Variants in NEMP2 observed in about 807,000 individuals in gnomAD.
NEMP2 encodes nuclear envelope integral membrane protein 2.
Under a neutral mutation model 54.2 loss-of-function variants are expected in NEMP2, and 53 were observed. That is an observed-to-expected ratio of 0.98 (90% CI 0.78 to 1.23). NEMP2 has a LOEUF of 1.23. NEMP2 is among the 50% of genes most tolerant of loss of function. The pLI is 0.00. For missense variants in NEMP2, 455 were observed against 511.3 expected (o/e 0.89, Z 1.06); for synonymous variants, 197 against 190.3 (o/e 1.04, Z -0.29).
At chr2:190,562,763 C>T in the NEMP2 span, among the ~76,000 whole-genome samples, 1 of 152,006 alleles carries the variant, frequency 6.6e-6, no homozygotes, top group Non-Finnish European at 1.5e-5. This position sits in a 1 kb window ranked among gnomAD's most constrained non-coding sequence, Gnocchi z 5.0. Context: ...ACTATAAATG[C>T]CATCGACTAA....
chr2:190,446,030 G>T, the NEMP2 span, among the ~76,000 whole-genome samples: 6 of 152,044 alleles, frequency 3.9e-5, no homozygotes, highest in Non-Finnish European at 7.4e-5. Flanking sequence ...CAATCAAAGG[G>T]CATGAATTTT....
the NEMP2 span, among the ~76,000 whole-genome samples, chr2:190,451,111 C>T: frequency 6.6e-6 from 1 of 152,168 alleles, no homozygotes; most frequent in Non-Finnish European, 1.5e-5. This position sits in a 1 kb window ranked among gnomAD's most constrained non-coding sequence, Gnocchi z 5.0. Context: ...ACCCTGTTTT[C>T]TTTTTTCCTT....
chr2:190,639,964 G>GA, the NEMP2 span, among the ~76,000 whole-genome samples: 1 of 151,550 alleles, frequency 6.6e-6, no homozygotes, highest in East Asian at 1.9e-4. Context: ...TTTGAAAATT[G>GA]AAAAAAAGCA....
In NEMP2 at chr2:190,519,932, G is replaced by A. The variant is rs1392935146; in HGVS notation, c.214-749C>T. On this transcript the variant is annotated intron_variant, in intron 2 of 8. Transcript: ENST00000409150. This position sits in a 1 kb window ranked among gnomAD's most constrained non-coding sequence, Gnocchi z 5.4. ...CAGCATGTGCTCACTTCATGTCTTT[G>A]TGTCAGCATGTTTTAGCAATAAAGT... 6.6e-6 allele frequency among the ~76,000 whole-genome samples: 1 copy of A among 152,144 alleles called. No individual in the cohort carries two copies. The highest frequency in any genetic ancestry group is 1.5e-5 in the Non-Finnish European group (1 of 68,038).
At chr2:190,617,292 T>C in the NEMP2 span, among the ~76,000 whole-genome samples, 1 of 152,130 alleles carries the variant, frequency 6.6e-6, no homozygotes. This position sits in a 1 kb window ranked among gnomAD's most constrained non-coding sequence, Gnocchi z 5.0. Context: ...TTTTGTGTCA[T>C]CTGAAGTCAA....
At chr2:190,594,032 C>T in the NEMP2 span, among the ~76,000 whole-genome samples, 2 of 152,220 alleles carry the variant, frequency 1.3e-5, no homozygotes, top group Non-Finnish European at 2.9e-5. This position sits in a 1 kb window ranked among gnomAD's most constrained non-coding sequence, Gnocchi z 5.6. Flanking sequence ...AAACTCATTG[C>T]CGTGGCCTGA....
At chr2:190,443,881 C>A in the NEMP2 span, among the ~76,000 whole-genome samples, 3 of 152,048 alleles carry the variant, frequency 2.0e-5, no homozygotes, top group Non-Finnish European at 2.9e-5. The surrounding 1 kb of genome is among the most constrained non-coding windows in gnomAD (Gnocchi z 4.2). Context: ...ATGGTGAGAC[C>A]TTGTCTCTAC....
At position 190,513,491 on chromosome 2, in the gene NEMP2, G is replaced by A. The variant is rs1690443392; in HGVS notation, c.953+962C>T. Among the ~76,000 whole-genome samples, 1 of 152,200 alleles carries A rather than the reference G, an allele frequency of 6.6e-6. No individual in the cohort carries two copies. The highest frequency in any genetic ancestry group is 2.4e-5 in the African/African-American group (1 of 41,448). On this transcript the variant is annotated intron_variant, in intron 7 of 8. Transcript: ENST00000409150. This position sits in a 1 kb window ranked among gnomAD's most constrained non-coding sequence, Gnocchi z 5.3. ...TGCCTGGGTCCTAAGCAACTGGTTT[G>A]ATAACTGCTGTAGAGGCAGCAGTCA... is the stretch of plus-strand genomic sequence containing the variant.
chr2:190,626,925 A>G, the NEMP2 span: 2 of 152,232 alleles, frequency 1.3e-5, no homozygotes, highest in African/African-American at 4.8e-5. The surrounding 1 kb of genome is among the most constrained non-coding windows in gnomAD (Gnocchi z 4.5). Context: ...CATATTGAAA[A>G]TTGGACCTCA....
chr2:190,541,324 T>G, the NEMP2 span, among the ~76,000 whole-genome samples: 1 of 152,068 alleles, frequency 6.6e-6, no homozygotes, highest in Non-Finnish European at 1.5e-5. The surrounding 1 kb of genome is among the most constrained non-coding windows in gnomAD (Gnocchi z 5.2). Context: ...GGGGCATTGT[T>G]AGGTTATTTG....
At chr2:190,577,822 G>A in the NEMP2 span, among the ~76,000 whole-genome samples, 3 of 152,270 alleles carry the variant, frequency 2.0e-5, no homozygotes, top group South Asian at 2.1e-4. The surrounding 1 kb of genome is among the most constrained non-coding windows in gnomAD (Gnocchi z 4.8). Flanking sequence ...GCAGTGACCC[G>A]AGATTGCACC....
In NEMP2 at chr2:190,519,482, A is replaced by G. The variant is rs140082796; in HGVS notation, c.214-299T>C. Among the ~76,000 whole-genome samples the G allele has an allele frequency of 1.3e-3, 192 of 152,324 alleles. No individual in the cohort carries two copies. Among genetic ancestry groups the G allele is most frequent in the African/African-American group, 4.4e-3 (183 of 41,572 alleles). ...GCTGTTTGCCTGCTTCAGCCTCCCAAAGTGCTGGGATTACCGGCATGAGCC... is the reference window on the plus strand; with the variant it reads ...GCTGTTTGCCTGCTTCAGCCTCCCAGAGTGCTGGGATTACCGGCATGAGCC... On this transcript the variant is annotated intron_variant, in intron 2 of 8. Transcript: ENST00000409150. The surrounding 1 kb of genome is among the most constrained non-coding windows in gnomAD (Gnocchi z 5.4).
At chr2:190,626,029 T>C in the NEMP2 span, 10,192 of 156,072 alleles carry the variant, frequency 0.065, 496 homozygotes, top group Non-Finnish European at 0.1. The surrounding 1 kb of genome is among the most constrained non-coding windows in gnomAD (Gnocchi z 4.5). Context: ...AAGTCCAAGA[T>C]TAAGATGCAG....
the NEMP2 span, among the ~76,000 whole-genome samples, chr2:190,438,274 G>C: frequency 6.6e-6 from 1 of 151,846 alleles, no homozygotes; most frequent in South Asian, 2.1e-4. This position sits in a 1 kb window ranked among gnomAD's most constrained non-coding sequence, Gnocchi z 5.2. Context: ...CCAGCACTTT[G>C]AGAGGCCGAG....
the NEMP2 span, among the ~76,000 whole-genome samples, chr2:190,567,897 T>G: frequency 6.6e-6 from 1 of 152,154 alleles, no homozygotes; most frequent in Non-Finnish European, 1.5e-5. The surrounding 1 kb of genome is among the most constrained non-coding windows in gnomAD (Gnocchi z 4.0). Context: ...TTCGCCCGCC[T>G]TGGTCCCCCA....
upstream of NEMP2, among the ~76,000 whole-genome samples, chr2:190,536,146 A>G (rs1691370522): frequency 6.6e-6 from 1 of 152,240 alleles, no homozygotes; most frequent in South Asian, 2.1e-4. Flanking sequence ...ATTTTTCTCT[A>G]TAAGCAATAA....
chr2:190,455,114 T>C, the NEMP2 span, among the ~76,000 whole-genome samples: 1 of 152,122 alleles, frequency 6.6e-6, no homozygotes, highest in African/African-American at 2.4e-5. Context: ...TTGGAGACTT[T>C]AGCCCAGGTT....
At chr2:190,497,885 G>T in the NEMP2 span, 1 of 770,696 alleles carries the variant, frequency 1.3e-6, no homozygotes, top group South Asian at 1.9e-5. The surrounding 1 kb of genome is among the most constrained non-coding windows in gnomAD (Gnocchi z 5.2). Context: ...AGTTAAAGAG[G>T]GTGTATACAA....
In NEMP2 at chr2:190,528,153, G is replaced by A. The variant is rs1691007783; in HGVS notation, c.98-2775C>T. Among the ~76,000 whole-genome samples the A allele has an allele frequency of 1.3e-5, 2 of 152,208 alleles. No individual in the cohort carries two copies. Among genetic ancestry groups the A allele is most frequent in the African/African-American group, 4.8e-5 (2 of 41,446 alleles). ...TTTTGAATATATCTGAGATGCAAAT[G>A]ACTTCTGGCCAAGGGCAGCATAGGG... is the stretch of plus-strand genomic sequence containing the variant. On this transcript the variant is annotated intron_variant, in intron 1 of 8. Transcript: ENST00000409150. The surrounding 1 kb of genome is among the most constrained non-coding windows in gnomAD (Gnocchi z 4.3).
Sources: gnomAD v4.1 joint callset for allele counts (sites outside exome capture counted in the v4.1 genomes callset) on GRCh38, gnomAD v4.1.1 for gene constraint, Gnocchi (gnomAD v3.1) non-coding constraint, MANE v1.5 for transcripts, NCBI Gene and HGNC (gene_info 2026-07-23, HGNC 2026-07-21) for gene names.